Variants in ALG14 observed in about 807,000 individuals in gnomAD.
ALG14 encodes the protein UDP-N-acetylglucosamine transferase subunit ALG14.
Under a neutral mutation model 22.8 loss-of-function variants are expected in ALG14, and 17 were observed. The ratio of observed to expected loss-of-function variants is 0.75; its 90% CI spans 0.51 to 1.12. ALG14 has a LOEUF of 1.12. Among genes scored for constraint, ALG14 ranks in the 50% most tolerant of loss-of-function variants. ALG14 has a pLI of 0.00. For missense variants in ALG14, 288 were observed against 271.8 expected, an observed-to-expected ratio of 1.06 and a Z score of -0.42; for synonymous variants, 89 against 103.7, an observed-to-expected ratio of 0.86 and a Z score of 0.86.
intron 1 of ALG14, among the ~76,000 whole-genome samples, chr1:95,068,038 A>G (rs776168944): frequency 6.6e-6 from 1 of 152,188 alleles, no homozygotes; most frequent in Non-Finnish European, 1.5e-5. Flanking sequence ...TTATCACTGC[A>G]TAACTTACTA....
At chr1:95,047,951 G>A (rs1333221671) in intron 2 of ALG14, among the ~76,000 whole-genome samples, 3 of 152,110 alleles carry the variant, frequency 2.0e-5, no homozygotes, top group Non-Finnish European at 4.4e-5. Flanking sequence ...ATTCCTGCCT[G>A]GGCAACACAG....
intron 3 of ALG14, among the ~76,000 whole-genome samples, chr1:94,992,973 G>T (rs1032176682): frequency 1.3e-5 from 2 of 151,472 alleles, no homozygotes; most frequent in Non-Finnish European, 2.9e-5. Context: ...AACTTTAAGG[G>T]TACTGTGTGG....
chr1:95,058,297 A>G (rs1359533478), intron 2 of ALG14, among the ~76,000 whole-genome samples: 2 of 146,480 alleles, frequency 1.4e-5, no homozygotes, highest in Non-Finnish European at 1.5e-5. Context: ...AAAAAAAAAA[A>G]AAAAAAAAAA....
chr1:95,010,789 G>A (rs1673340818), intron 3 of ALG14, among the ~76,000 whole-genome samples: 2 of 151,958 alleles, frequency 1.3e-5, no homozygotes, highest in South Asian at 2.1e-4. Flanking sequence ...AGTTCCTTTT[G>A]CCATTCCTAA....
rs184702312 is a variant in ALG14 at position 95,006,889 on chromosome 1, G to A, written c.420+20240C>T. Among the ~76,000 whole-genome samples, 16 of 152,252 alleles carry A rather than the reference G, an allele frequency of 1.1e-4. No homozygotes were observed. The East Asian group carries it at 2.7e-3, about 26-fold the overall frequency. On this transcript the variant is annotated intron_variant, in intron 3 of 3. Transcript: ENST00000370205. ...CCTCCAACTGTTTCTTATATAACTC[G>A]GTTTCATATTTCCTCACCATCTGGA...
At chr1:94,999,112 T>C (rs1212404770) in intron 3 of ALG14, among the ~76,000 whole-genome samples, 1 of 152,120 alleles carries the variant, frequency 6.6e-6, no homozygotes, top group African/African-American at 2.4e-5. Context: ...AAAAACTCCA[T>C]GCTCCAGTCC....
At chr1:95,050,993 G>A (rs1674728105) in intron 2 of ALG14, among the ~76,000 whole-genome samples, 1 of 151,470 alleles carries the variant, frequency 6.6e-6, no homozygotes, top group Admixed American at 6.6e-5. Flanking sequence ...AGCCTCCTTA[G>A]TAGTTGAGAT....
chr1:95,000,662 T>C (rs1164211628), intron 3 of ALG14, among the ~76,000 whole-genome samples: 1 of 151,680 alleles, frequency 6.6e-6, no homozygotes, highest in Admixed American at 6.6e-5. Flanking sequence ...CTTTCTTTGT[T>C]CAAATTAATC....
chr1:95,066,357 G>A (rs746993793), intron 1 of ALG14, among the ~76,000 whole-genome samples: 2 of 152,046 alleles, frequency 1.3e-5, no homozygotes, highest in Non-Finnish European at 2.9e-5. Context: ...CCGAGTAGCT[G>A]CAATTACATG....
chr1:95,019,789 T>TG (rs1201883048), intron 3 of ALG14, among the ~76,000 whole-genome samples: 3 of 152,174 alleles, frequency 2.0e-5, no homozygotes, highest in Admixed American at 6.5e-5. Context: ...GAGACCAGCC[T>TG]GACCAACATG....
chr1:95,049,866 G>A (rs547585108), intron 2 of ALG14, among the ~76,000 whole-genome samples: 8 of 151,854 alleles, frequency 5.3e-5, no homozygotes, highest in East Asian at 1.9e-4. Context: ...GAGAGATCCC[G>A]TCCCAAAAAA....
At chr1:95,063,500 T>C (rs1326838033) in intron 2 of ALG14, among the ~76,000 whole-genome samples, 1 of 152,216 alleles carries the variant, frequency 6.6e-6, no homozygotes, top group Non-Finnish European at 1.5e-5. Flanking sequence ...CAGCTTCAAT[T>C]TTCTGCATAT....
At chr1:95,001,551 A>T (rs11805382) in intron 3 of ALG14, among the ~76,000 whole-genome samples, 4 of 152,110 alleles carry the variant, frequency 2.6e-5, no homozygotes, top group Non-Finnish European at 5.9e-5. Flanking sequence ...GCTGGAGTGC[A>T]GTGGTGCCAT....
At chr1:95,013,281 A>C (rs1018026863) in intron 3 of ALG14, among the ~76,000 whole-genome samples, 3 of 151,880 alleles carry the variant, frequency 2.0e-5, no homozygotes, top group African/African-American at 7.3e-5. Context: ...TTATTCACTT[A>C]TCCTAGCCCT....
chr1:95,015,488 A>G (rs1673473872), intron 3 of ALG14, among the ~76,000 whole-genome samples: 1 of 152,224 alleles, frequency 6.6e-6, no homozygotes, highest in South Asian at 2.1e-4. Context: ...AGTTCACAGG[A>G]GGGCAAGATC....
At chr1:95,042,220 C>T (rs1674400874) in intron 2 of ALG14, among the ~76,000 whole-genome samples, 1 of 152,002 alleles carries the variant, frequency 6.6e-6, no homozygotes, top group African/African-American at 2.4e-5. Flanking sequence ...AAGAAGCCCC[C>T]ACCCCAACAC....
intron 2 of ALG14, among the ~76,000 whole-genome samples, chr1:95,052,610 C>T (rs951465790): frequency 6.6e-6 from 1 of 151,342 alleles, no homozygotes; most frequent in Admixed American, 6.6e-5. Flanking sequence ...GTAATCCCAC[C>T]ACTTTGGGAG....
In ALG14 at chr1:95,033,456, TAC is replaced by T. The variant is rs565814749; in HGVS notation, c.289-6198_289-6197del. Among the ~76,000 whole-genome samples, 975 of 148,630 alleles carry T rather than the reference TAC, an allele frequency of 6.6e-3. 8 individuals carry two copies. The highest frequency in any genetic ancestry group is 0.015 in the South Asian group (72 of 4,662). On this transcript the variant is annotated intron_variant, in intron 2 of 3. Coordinates refer to ENST00000370205, the MANE Select transcript of ALG14 (RefSeq NM_144988.4). ...ACACACACACACACATACATATATA[TAC>T]ACACACACACACATATATATATACA...
At chr1:95,057,884 C>A (rs1674991555) in intron 2 of ALG14, among the ~76,000 whole-genome samples, 1 of 151,688 alleles carries the variant, frequency 6.6e-6, no homozygotes, top group South Asian at 2.1e-4. Flanking sequence ...ACTCTGACTG[C>A]TGGAAGAGAA....
Sources: gnomAD v4.1 joint callset for allele counts (sites outside exome capture counted in the v4.1 genomes callset) on GRCh38, gnomAD v4.1.1 for gene constraint, MANE v1.5 for transcripts, NCBI Gene and HGNC (gene_info 2026-07-23, HGNC 2026-07-21) for gene names.